Variants in SNTG1 observed in about 807,000 individuals in gnomAD.
SNTG1 encodes the protein gamma-1-syntrophin.
A neutral mutation model predicts 74.7 loss-of-function variants in SNTG1; 39 were observed. The ratio of observed to expected loss-of-function variants is 0.52; its 90% confidence interval spans 0.40 to 0.68. The LOEUF (loss-of-function observed/expected upper bound fraction) is 0.68. Ranked by LOEUF, SNTG1 falls within the 30% of genes least tolerant of loss-of-function variation. The pLI is 0.00. For synonymous variants in SNTG1, 254 were observed against 217.1 expected (o/e 1.17, Z -1.49); for missense variants, 685 against 609.5 (o/e 1.12, Z -1.30).
chr8:50,653,059 A>G (rs1203542504), intron 13 of SNTG1, among the ~76,000 whole-genome samples: 1 of 151,872 alleles, frequency 6.6e-6, no homozygotes, highest in Admixed American at 6.6e-5. Flanking sequence ...TTTATGTCTT[A>G]GATAAACCTT....
intron 4 of SNTG1, among the ~76,000 whole-genome samples, chr8:50,430,862 G>A (rs1033676438): frequency 6.6e-6 from 1 of 152,186 alleles, no homozygotes; most frequent in Non-Finnish European, 1.5e-5. Flanking sequence ...ATGGGACTGG[G>A]ATAGTTAGGA....
chr8:50,400,980 T>C (rs2092796914), intron 3 of SNTG1, among the ~76,000 whole-genome samples: 1 of 152,192 alleles, frequency 6.6e-6, no homozygotes, highest in Non-Finnish European at 1.5e-5. Flanking sequence ...ATATTATTAG[T>C]GTTTAAAGTG....
At chr8:50,271,288 G>A (rs1172135487) in intron 2 of SNTG1, among the ~76,000 whole-genome samples, 1 of 152,040 alleles carries the variant, frequency 6.6e-6, no homozygotes, top group Non-Finnish European at 1.5e-5. Flanking sequence ...ATTTACTGAA[G>A]AACTACAAAC....
At chr8:50,782,366 T>C (rs549266253) in intron 18 of SNTG1, among the ~76,000 whole-genome samples, 1 of 152,234 alleles carries the variant, frequency 6.6e-6, no homozygotes, top group Admixed American at 6.5e-5. Context: ...TTTGGTCTTT[T>C]CACATAGTCC....
rs183684354 is a variant in SNTG1, at chr8:49,922,435, T to C, written c.-103+10204T>C. Reference sequence around the variant, plus strand: ...TAATGTACCACCAAACAGTGGGCAATTTATTCCCTCACCACTGATGAGGGC... The same window carrying C: ...TAATGTACCACCAAACAGTGGGCAACTTATTCCCTCACCACTGATGAGGGC... On this transcript the variant is annotated intron_variant, in intron 1 of 18. Transcript: ENST00000642720. Among the ~76,000 whole-genome samples, 388 of 152,214 alleles carry C rather than the reference T, an allele frequency of 2.5e-3. 2 individuals carry two copies. The highest frequency in any genetic ancestry group is 8.9e-3 in the African/African-American group (369 of 41,556).
Position 50,615,875 on chromosome 8 carries a change from A to T in SNTG1, c.849+24958A>T, listed in dbSNP as rs184764853. Among the ~76,000 whole-genome samples, 816 of 152,364 alleles carry T rather than the reference A, an allele frequency of 5.4e-3. 13 individuals are homozygous for T. The highest frequency in any genetic ancestry group is 0.018 in the African/African-American group (748 of 41,586). ...CAGTGTTCTCCAGAGAAACAGAACC[A>T]TGGCACATACTGATCAATCAATCAC... On this transcript the variant is annotated intron_variant, in intron 13 of 18. Coordinates refer to ENST00000642720, the MANE Select transcript of SNTG1 (RefSeq NM_018967.5).
intron 1 of SNTG1, among the ~76,000 whole-genome samples, chr8:49,998,540 A>G (rs1011783715): frequency 6.6e-6 from 1 of 150,806 alleles, no homozygotes; most frequent in African/African-American, 2.4e-5. Flanking sequence ...GTTTTATTTT[A>G]TTTTTAATTT....
At chr8:50,386,664 C>A (rs754692857) in intron 2 of SNTG1, among the ~76,000 whole-genome samples, 1 of 152,026 alleles carries the variant, frequency 6.6e-6, no homozygotes, top group Non-Finnish European at 1.5e-5. Context: ...AGCTTTTAGT[C>A]ACAGCAGATG....
chr8:50,605,128 T>A (rs2094803836), intron 13 of SNTG1, among the ~76,000 whole-genome samples: 1 of 152,246 alleles, frequency 6.6e-6, no homozygotes, highest in East Asian at 1.9e-4. Context: ...TAAGACAAAG[T>A]CCTGTTTACT....
intron 5 of SNTG1, among the ~76,000 whole-genome samples, chr8:50,444,009 A>G (rs1433163277): frequency 1.3e-5 from 2 of 152,052 alleles, no homozygotes; most frequent in African/African-American, 4.8e-5. Flanking sequence ...ATGGTGGCAC[A>G]TGCCTGTAGT....
chr8:50,346,281 G>C (rs888199223), intron 2 of SNTG1, among the ~76,000 whole-genome samples: 1 of 152,016 alleles, frequency 6.6e-6, no homozygotes, highest in Non-Finnish European at 1.5e-5. Context: ...AAACTATTTC[G>C]TTATTATTAT....
intron 1 of SNTG1, among the ~76,000 whole-genome samples, chr8:49,928,324 G>A (rs1807233607): frequency 6.6e-6 from 1 of 151,474 alleles, no homozygotes; most frequent in South Asian, 2.1e-4. Context: ...TCTGCCTCCT[G>A]GGTTCAAGCG....
At chr8:50,691,568 A>G (rs1304643074) in intron 15 of SNTG1, among the ~76,000 whole-genome samples, 3 of 152,154 alleles carry the variant, frequency 2.0e-5, no homozygotes, top group African/African-American at 7.2e-5. Context: ...AGAATGTTGA[A>G]TATTGGTCCC....
intron 15 of SNTG1, among the ~76,000 whole-genome samples, chr8:50,663,550 G>A (rs557039335): frequency 3.3e-5 from 5 of 152,098 alleles, no homozygotes; most frequent in East Asian, 1.9e-4. Flanking sequence ...TTCTTGCACC[G>A]CTCTGGTTTG....
At chr8:50,512,250 C>T (rs189899288) in intron 9 of SNTG1, among the ~76,000 whole-genome samples, 2 of 152,074 alleles carry the variant, frequency 1.3e-5, no homozygotes, top group Non-Finnish European at 2.9e-5. Context: ...GGCCCCCAGT[C>T]TCTTCTGGCT....
chr8:50,003,180 G>A (rs935752854), intron 1 of SNTG1, among the ~76,000 whole-genome samples: 2 of 152,110 alleles, frequency 1.3e-5, no homozygotes, highest in Admixed American at 1.3e-4. Context: ...GGCAATCATT[G>A]TACAACTTAT....
rs2093437728 is a variant in SNTG1 at position 50,449,680 on chromosome 8, C to T, written c.232C>T (p.His78Tyr). ...TTTCTCTTTTCAGGGAGGAGCAGAACATAACATTCCAGTTGTCGTTTCAAA... is the reference window on the plus strand; with the variant it reads ...TTTCTCTTTTCAGGGAGGAGCAGAATATAACATTCCAGTTGTCGTTTCAAA... ...FGLSIKGGAE[H>Y]NIPVVVSKIS... Residue 78 changes from histidine (H) to tyrosine (Y), a missense_variant, in exon 6 of 19, where the codon CAT becomes TAT. Coordinates refer to ENST00000642720, the MANE Select transcript of SNTG1 (RefSeq NM_018967.5). 6.3e-7 allele frequency: 1 copy of T among 1,596,664 alleles called. No homozygotes were observed. The highest frequency in any genetic ancestry group is 8.5e-7 in the Non-Finnish European group (1 of 1,170,174).
rs73581361 is a variant in SNTG1, at chr8:50,430,398, G to T, written c.163-8145G>T. ...TTTCCACAACCTCGTGAAATTTTTAGCCTCCTCATCTTGCTTATCTGTTAG... is the reference window on the plus strand; with the variant it reads ...TTTCCACAACCTCGTGAAATTTTTATCCTCCTCATCTTGCTTATCTGTTAG... On this transcript the variant is annotated intron_variant, in intron 4 of 18. Transcript: ENST00000642720. 9.4e-3 allele frequency among the ~76,000 whole-genome samples: 1,435 copies of T among 152,138 alleles called. 21 individuals carry two copies. The highest frequency in any genetic ancestry group is 0.031 in the African/African-American group (1,299 of 41,492).
rs185287366 is a variant in SNTG1 at position 50,521,201 on chromosome 8, A to T, written c.467-8976A>T. Among the ~76,000 whole-genome samples the T allele has an allele frequency of 9.2e-5, 14 of 152,200 alleles. No individual in the cohort carries two copies. In the East Asian group the frequency reaches 2.7e-3, roughly 29 times the overall value. ...ACCAAACACCAGGTTCTCACTCATA[A>T]GTGGGAGTTGAACATTTGAGAACAC... On this transcript the variant is annotated intron_variant, in intron 9 of 18. Transcript: ENST00000642720.
Sources: gnomAD v4.1 joint callset for allele counts (sites outside exome capture counted in the v4.1 genomes callset) on GRCh38, gnomAD v4.1.1 for gene constraint, MANE v1.5 for transcripts, NCBI Gene and HGNC (gene_info 2026-07-23, HGNC 2026-07-21) for gene names.